The following URB1 variants were observed in gnomAD, a reference collection of about 807,000 sequenced individuals.
URB1 encodes the protein nucleolar pre-ribosomal-associated protein 1.
Under a neutral mutation model 242.3 loss-of-function variants are expected in URB1, and 197 were observed. The ratio of observed to expected loss-of-function variants is 0.81; its 90% confidence interval spans 0.72 to 0.91. URB1 has a LOEUF of 0.91. Among genes scored for constraint, URB1 ranks in the 40% least tolerant of loss-of-function variants. The probability of loss-of-function intolerance (pLI) is 0.00; values close to 1 mark genes in which losing one functional copy is unlikely to be tolerated. For missense variants in URB1, 2,721 were observed against 2,860.5 expected, an observed-to-expected ratio of 0.95 and a Z score of 1.11; for synonymous variants, 1,153 against 1,201.8, an observed-to-expected ratio of 0.96 and a Z score of 0.84.
Position 32,313,518 on chromosome 21 carries a change from C to T in URB1, c.*1400G>A, listed in dbSNP as rs1266374916. 2 of 152,208 alleles carry T rather than the reference C, an allele frequency of 1.3e-5. No individual in the cohort carries two copies. The highest frequency in any genetic ancestry group is 2.4e-5 in the African/African-American group (1 of 41,426). The allele number at this position is 152,208 out of a possible 1,614,324, so 9.4% of individuals were successfully genotyped here. ...GAAGGGGACAAGTGAGGTAACTGAT[C>T]CTTGCTTTGTAGACAGTGCAAGACA... On this transcript the variant is annotated 3_prime_UTR_variant, in exon 39 of 39. Transcript: ENST00000382751.
At chr21:32,388,917 G>A (rs886703464) in intron 1 of URB1, among the ~76,000 whole-genome samples, 6 of 152,180 alleles carry the variant, frequency 3.9e-5, no homozygotes, top group Non-Finnish European at 8.8e-5. Flanking sequence ...GGGGGTGCCC[G>A]AGACGTGCTG....
rs1221950216 is a variant in URB1 at position 32,314,151 on chromosome 21, T to C, written c.*767A>G. On this transcript the variant is annotated 3_prime_UTR_variant, in exon 39 of 39. Transcript: ENST00000382751. ...TAACTTATTCAAAAAGTCATACTAA[T>C]ACTTTGTTATGACTTTTTATAGAAA... The C allele has an allele frequency of 5.2e-6, 1 of 190,614 alleles. No individual in the cohort carries two copies. Among genetic ancestry groups the C allele is most frequent in the Non-Finnish European group, 1.1e-5 (1 of 90,678 alleles). 11.8% of individuals were successfully genotyped at this position (190,614 alleles called of 1,614,324 possible).
chr21:32,334,525 G>A (rs1280077013), intron 28 of URB1, among the ~76,000 whole-genome samples, 191 bp from the exon 29 acceptor site: 1 of 152,148 alleles, frequency 6.6e-6, no homozygotes, highest in Non-Finnish European at 1.5e-5. Context: ...TGAGGCTGAG[G>A]GTGGGTGACA....
chr21:32,361,067 G>A lies in URB1; in HGVS notation c.1696C>T (p.Gln566Ter). ...AVLLQVICLY[Q>*]KVVPHVVMQY... The stretch of plus-strand genomic sequence containing the variant: ...ATGACCACGTGGGGGACCACCTTCT[G>A]GTAGAGGCATATGACCTGGAGCAAA... Residue 566 changes from glutamine to a stop codon, truncating the protein, a stop_gained, in exon 13 of 39, where the codon CAG becomes TAG. Transcript: ENST00000382751. LOFTEE classifies it high-confidence loss of function. The A allele has an allele frequency of 6.4e-7, 1 of 1,550,956 alleles. No homozygotes were observed. The highest frequency in any genetic ancestry group is 8.7e-7 in the Non-Finnish European group (1 of 1,146,878).
intron 25 of URB1, among the ~76,000 whole-genome samples, chr21:32,339,506 T>C (rs551321975): frequency 1.3e-5 from 2 of 151,448 alleles, no homozygotes; most frequent in African/African-American, 4.8e-5. Context: ...TTTTTTTTTT[T>C]TTGAGACGGA....
rs75947039 is a variant in URB1 at position 32,373,566 on chromosome 21, G to C, written c.876+81C>G. 4 of 1,407,258 alleles carry C rather than the reference G, an allele frequency of 2.8e-6. No homozygotes were observed. The East Asian group carries it at 1.1e-4, about 38-fold the overall frequency. The allele number at this position is 1,407,258 out of a possible 1,614,324, so 87.2% of individuals were successfully genotyped here. A position where few individuals can be genotyped will look rare whatever the true frequency, so the allele number is the denominator to read the frequency against. On this transcript the variant is annotated intron_variant, in intron 7 of 38. Coordinates refer to ENST00000382751, the MANE Select transcript of URB1 (RefSeq NM_014825.3). ...AATGAGGGGACTTCAAGTCTGGTGCGGTGTTGAGAATTCTCCCTCTCCCAA... is the reference window on the plus strand; with the variant it reads ...AATGAGGGGACTTCAAGTCTGGTGCCGTGTTGAGAATTCTCCCTCTCCCAA...
chr21:32,332,586 CCCCAAACTCAATA>C, intron 30 of URB1, among the ~76,000 whole-genome samples: 1 of 42,688 alleles, frequency 2.3e-5, no homozygotes, highest in Non-Finnish European at 5.0e-5. Context: ...AAAAAAAAAT[CCCCAAACTCAATA>C]GTTAAAAAAA....
At position 32,312,442 on chromosome 21, in the gene URB1, G is replaced by A; in HGVS notation, c.*2476C>T. On this transcript the variant is annotated 3_prime_UTR_variant, in exon 39 of 39. Coordinates refer to ENST00000382751, the MANE Select transcript of URB1 (RefSeq NM_014825.3). ...CTAACACCCGCCGGCTCCCCCAGAT[G>A]TGATGGCATCTGCCCTGCCAGGTCA... The A allele has an allele frequency of 3.3e-6, 2 of 603,614 alleles. No individual in the cohort carries two copies. Among genetic ancestry groups the A allele is most frequent in the Non-Finnish European group, 4.6e-6 (2 of 436,706 alleles). 37.4% of individuals were successfully genotyped at this position (603,614 alleles called of 1,614,324 possible). A position where few individuals can be genotyped will look rare whatever the true frequency, so the allele number is the denominator to read the frequency against.
At chr21:32,329,810 T>C (rs548202149) in intron 30 of URB1, among the ~76,000 whole-genome samples, 1 of 152,354 alleles carries the variant, frequency 6.6e-6, no homozygotes, top group African/African-American at 2.4e-5. Context: ...AGTAAAAACA[T>C]ACAGTTGAGA....
chr21:32,352,727 G>C lies in URB1; in HGVS notation c.2596C>G (p.Gln866Glu), dbSNP rs1273272961. 2 of 1,551,344 alleles carry C rather than the reference G, an allele frequency of 1.3e-6. No individual in the cohort carries two copies. The highest frequency in any genetic ancestry group is 1.7e-6 in the Non-Finnish European group (2 of 1,146,958). Residue 866 changes from glutamine to glutamate, a missense_variant, in exon 19 of 39, where the codon CAA (glutamine) becomes GAA (glutamate). Physicochemically the swap from Gln to Glu is conservative, Grantham distance 29. Transcript: ENST00000382751. ...CAGCTCACCCAGGCCTCTCGGGCTT[G>C]CTCCGGGATCCAGAGGCTGTAGTAT... is the stretch of plus-strand genomic sequence containing the variant. ...NRYYSLWIPE[Q>E]AREAWLLQAQ... is the part of the protein sequence containing the mutation.
At chr21:32,337,256 G>T in intron 27 of URB1, 99 bp from the exon 28 acceptor site, 3 of 1,387,120 alleles carry the variant, frequency 2.2e-6, no homozygotes, top group Non-Finnish European at 3.0e-6. Context: ...CAAATGGCCC[G>T]GTCCTCATAT....
intron 8 of URB1, among the ~76,000 whole-genome samples, chr21:32,371,022 G>T (rs777602469): frequency 7.2e-5 from 11 of 152,182 alleles, no homozygotes; most frequent in African/African-American, 2.7e-4. Context: ...GCAAATAAAT[G>T]TATGAACAGT....
At chr21:32,324,410 C>T (rs941280946) in intron 32 of URB1, 81 bp downstream of exon 32, 13 of 1,147,396 alleles carry the variant, frequency 1.1e-5, no homozygotes, top group Admixed American at 2.0e-5. Flanking sequence ...ACCCACTATA[C>T]CTGTGGGACT....
chr21:32,352,236 G>A (rs2033166315), intron 19 of URB1, among the ~76,000 whole-genome samples: 1 of 152,176 alleles, frequency 6.6e-6, no homozygotes, highest in African/African-American at 2.4e-5. Flanking sequence ...AGAGAATGTA[G>A]TCCCCAGCAA....
Position 32,320,522 on chromosome 21 carries a change from G to C in URB1, c.5594+9C>G. The C allele has an allele frequency of 6.5e-7, 1 of 1,539,642 alleles. No homozygotes were observed. ...CCTGACGCGCACCTCGCATGCAAAA[G>C]GTACTTACTTGCTTTCAAGGATGTG... On this transcript the variant is annotated intron_variant, in intron 35 of 38. Transcript: ENST00000382751.
chr21:32,350,667 A>T, intron 20 of URB1, 37 bp downstream of exon 20: 1 of 1,540,528 alleles, frequency 6.5e-7, no homozygotes, highest in Non-Finnish European at 8.8e-7. Flanking sequence ...CTGGTGGCAG[A>T]GCTCTGAAGC....
chr21:32,376,458 AAAG>A (rs1301446082), intron 5 of URB1, among the ~76,000 whole-genome samples: 1 of 152,194 alleles, frequency 6.6e-6, no homozygotes, highest in Non-Finnish European at 1.5e-5. Context: ...AGACAAACCA[AAAG>A]AATAAGTCAA....
At chr21:32,320,499 TG>T in intron 35 of URB1, 31 bp downstream of exon 35, 7 of 1,465,160 alleles carry the variant, frequency 4.8e-6, no homozygotes, top group Non-Finnish European at 6.5e-6. Flanking sequence ...CCTTCCCACC[TG>T]ACGCGCACCT....
chr21:32,392,314 A>C (rs938761940), intron 1 of URB1, among the ~76,000 whole-genome samples: 1 of 152,166 alleles, frequency 6.6e-6, no homozygotes, highest in East Asian at 1.9e-4. Flanking sequence ...GGTGGCTTCT[A>C]GTAGCTTGTT....
Sources: gnomAD v4.1 joint callset for allele counts (sites outside exome capture counted in the v4.1 genomes callset) on GRCh38, gnomAD v4.1.1 for gene constraint, MANE v1.5 for transcripts, NCBI Gene and HGNC (gene_info 2026-07-23, HGNC 2026-07-21) for gene names.